Variants in ARID5B observed in about 807,000 individuals in gnomAD.
The protein encoded by ARID5B is AT-rich interaction domain 5B.
In ARID5B, 13 loss-of-function variants were observed where a neutral mutation model predicts 97.2. That is an observed-to-expected ratio of 0.13 (90% CI 0.09 to 0.21). The LOEUF (loss-of-function observed/expected upper bound fraction) is 0.21, where lower values mean the gene tolerates loss of function less well. Among genes scored for constraint, ARID5B ranks in the 10% least tolerant of loss-of-function variants. ARID5B has a pLI of 1.00. For missense variants in ARID5B, 1,210 were observed against 1,465.3 expected (o/e 0.83, Z 2.84); for synonymous variants, 556 against 570.3 (o/e 0.97, Z 0.36).
intron 4 of ARID5B, among the ~76,000 whole-genome samples, chr10:62,049,683 T>A (rs1000704489): frequency 6.6e-6 from 1 of 152,178 alleles, no homozygotes; most frequent in Non-Finnish European, 1.5e-5. Context: ...AGTTCTGCTT[T>A]ACTGAGCTTC....
chr10:62,006,742 A>T (rs1282013575), intron 4 of ARID5B, among the ~76,000 whole-genome samples: 1 of 152,200 alleles, frequency 6.6e-6, no homozygotes, highest in Non-Finnish European at 1.5e-5. Context: ...TGGGAAAAGA[A>T]TTTTGTGTGT....
At chr10:61,921,599 GA>G (rs1844016340) in intron 2 of ARID5B, among the ~76,000 whole-genome samples, 1 of 152,162 alleles carries the variant, frequency 6.6e-6, no homozygotes, top group Admixed American at 6.5e-5. Context: ...TGCTGGAAGT[GA>G]CATCCCATCA....
chr10:61,991,359 A>T (rs1435587281), intron 3 of ARID5B, among the ~76,000 whole-genome samples: 2 of 151,976 alleles, frequency 1.3e-5, no homozygotes, highest in African/African-American at 4.8e-5. Context: ...AACACTTGGG[A>T]TTTTTTTCTT....
chr10:61,943,930 T>C (rs1844459001), intron 3 of ARID5B, among the ~76,000 whole-genome samples: 1 of 152,200 alleles, frequency 6.6e-6, no homozygotes, highest in South Asian at 2.1e-4. Flanking sequence ...GGATGTCATC[T>C]TTCTGCTTTT....
intron 2 of ARID5B, among the ~76,000 whole-genome samples, chr10:61,908,144 T>C (rs1843735852): frequency 1.3e-5 from 2 of 152,216 alleles, no homozygotes; most frequent in South Asian, 4.1e-4. Context: ...TTAAATTATA[T>C]TTTGTATGGT....
chr10:62,024,758 C>T (rs1311155177), intron 4 of ARID5B: 4 of 394,006 alleles, frequency 1.0e-5, no homozygotes, highest in Non-Finnish European at 1.8e-5. Flanking sequence ...AAAGTTTTCA[C>T]GGGTAGATAT....
In ARID5B at chr10:62,041,190, C is replaced by T. The variant is rs1460952649; in HGVS notation, c.734-9698C>T. On this transcript the variant is annotated intron_variant, in intron 4 of 9. Coordinates refer to ENST00000279873, the MANE Select transcript of ARID5B (RefSeq NM_032199.3). ...CCCACCCTGCTCCAAGACACACGCT[C>T]TTCTATACAATCTGTGAGTTTGCAT... is the stretch of plus-strand genomic sequence containing the variant. 3.9e-5 allele frequency among the ~76,000 whole-genome samples: 6 copies of T among 152,302 alleles called. No homozygotes were observed. In the East Asian group the frequency reaches 5.8e-4, roughly 15 times the overall value.
rs1437134825 is a variant in ARID5B at position 62,000,730 on chromosome 10, G to A, written c.733+409G>A. ...ATGGTAACCACTTCAGTAGTAAACA[G>A]TGAATAGATAAATAGATAGAAAGAA... On this transcript the variant is annotated intron_variant, in intron 4 of 9. Transcript: ENST00000279873. This position sits in a 1 kb window ranked among gnomAD's most constrained non-coding sequence, Gnocchi z 4.4. Among the ~76,000 whole-genome samples, 2 of 152,088 alleles carry A rather than the reference G, an allele frequency of 1.3e-5. No homozygotes were observed. The highest frequency in any genetic ancestry group is 2.9e-5 in the Non-Finnish European group (2 of 68,018).
Position 62,074,841 on chromosome 10 carries a change from T to C in ARID5B, c.1199+5044T>C, listed in dbSNP as rs56055480. On this transcript the variant is annotated intron_variant, in intron 8 of 9. Transcript: ENST00000279873. Reference sequence around the variant, plus strand: ...TGTTTTCTACTAGCCCATAACAAGCTAATAAGCACAGCAATTGCGAATAAG... The same window carrying C: ...TGTTTTCTACTAGCCCATAACAAGCCAATAAGCACAGCAATTGCGAATAAG... Among the ~76,000 whole-genome samples the C allele has an allele frequency of 8.3e-3, 1,267 of 152,334 alleles. 9 individuals are homozygous for C. The highest frequency in any genetic ancestry group is 0.013 in the Non-Finnish European group (879 of 68,028).
At chr10:61,986,336 A>C (rs993387510) in intron 3 of ARID5B, among the ~76,000 whole-genome samples, 1 of 152,184 alleles carries the variant, frequency 6.6e-6, no homozygotes, top group African/African-American at 2.4e-5. Flanking sequence ...AGGGCTTTAT[A>C]AATTTGGGAG....
chr10:61,947,404 G>T lies in ARID5B; in HGVS notation c.502+6996G>T, dbSNP rs200355113. ...CTGCCTCAGCCTCCCAAGTAGCTGG[G>T]ATTACAGGTGCCCGCCACCATGCCC... is the stretch of plus-strand genomic sequence containing the variant. On this transcript the variant is annotated intron_variant, in intron 3 of 9. Coordinates refer to ENST00000279873, the MANE Select transcript of ARID5B (RefSeq NM_032199.3). Among the ~76,000 whole-genome samples the T allele has an allele frequency of 5.3e-5, 8 of 151,898 alleles. No individual in the cohort carries two copies. The East Asian group carries it at 1.6e-3, about 29-fold the overall frequency.
chr10:61,957,232 A>G (rs758850099), intron 3 of ARID5B, among the ~76,000 whole-genome samples: 4 of 152,198 alleles, frequency 2.6e-5, no homozygotes, highest in Non-Finnish European at 5.9e-5. Context: ...GAAGCAGTAT[A>G]AATTTTTTTT....
At chr10:61,990,164 T>C (rs1327721024) in intron 3 of ARID5B, among the ~76,000 whole-genome samples, 1 of 152,238 alleles carries the variant, frequency 6.6e-6, no homozygotes, top group Admixed American at 6.5e-5. Context: ...CTTCTTTCCT[T>C]GTTGAGCTGC....
At chr10:61,922,626 C>T (rs1285243449) in intron 2 of ARID5B, among the ~76,000 whole-genome samples, 1 of 152,190 alleles carries the variant, frequency 6.6e-6, no homozygotes, top group Non-Finnish European at 1.5e-5. Context: ...AGGTATGTTT[C>T]ATGCACAGTG....
intron 2 of ARID5B, among the ~76,000 whole-genome samples, chr10:61,912,345 T>C (rs1391368449): frequency 6.6e-6 from 1 of 152,142 alleles, no homozygotes; most frequent in Non-Finnish European, 1.5e-5. Context: ...TATCTGGAGA[T>C]CTAATGTATA....
chr10:61,940,913 G>A (rs1844388013), intron 3 of ARID5B, among the ~76,000 whole-genome samples: 1 of 85,650 alleles, frequency 1.2e-5, no homozygotes, highest in Non-Finnish European at 2.1e-5. Context: ...GTGTTCAGTG[G>A]TACCATCAAC....
chr10:61,965,863 G>A (rs1362669185), intron 3 of ARID5B, among the ~76,000 whole-genome samples: 4 of 152,146 alleles, frequency 2.6e-5, no homozygotes, highest in Non-Finnish European at 4.4e-5. Flanking sequence ...CATGGTCTAC[G>A]AAAATAAATG....
chr10:61,940,429 T>G lies in ARID5B; in HGVS notation c.502+21T>G, dbSNP rs1228561825. On this transcript the variant is annotated intron_variant, in intron 3 of 9. Transcript: ENST00000279873. ...CCTGGGTAAATATGACTTGTAATTT[T>G]AAATCTAATGTGTGGGCGTATATAG... 1.9e-6 allele frequency: 3 copies of G among 1,594,932 alleles called. No homozygotes were observed. The Admixed American group carries it at 5.2e-5, about 28-fold the overall frequency.
At chr10:61,914,364 G>A (rs567109934) in intron 2 of ARID5B, among the ~76,000 whole-genome samples, 2 of 152,298 alleles carry the variant, frequency 1.3e-5, no homozygotes, top group Non-Finnish European at 2.9e-5. Flanking sequence ...TAAAGTGAGT[G>A]CCTACTATGT....
Sources: allele counts gnomAD v4.1 joint callset (sites outside exome capture counted in the v4.1 genomes callset), GRCh38; gene constraint gnomAD v4.1.1; non-coding constraint Gnocchi (gnomAD v3.1); transcripts MANE v1.5; gene names NCBI Gene and HGNC (gene_info 2026-07-23, HGNC 2026-07-21).